The following STAT4 variants were observed in gnomAD, a reference collection of about 807,000 sequenced individuals.
STAT4 encodes the protein signal transducer and activator of transcription 4.
Under a neutral mutation model 110.5 loss-of-function variants are expected in STAT4, and 42 were observed. That is an observed-to-expected ratio of 0.38 (90% confidence interval 0.30 to 0.49). The LOEUF (loss-of-function observed/expected upper bound fraction) is 0.49, where lower values mean the gene tolerates loss of function less well. STAT4 is among the 20% of genes least tolerant of loss of function. STAT4 has a pLI of 0.95. For synonymous variants in STAT4, 284 were observed against 302.2 expected (o/e 0.94, Z 0.63); for missense variants, 632 against 887.9 (o/e 0.71, Z 3.66).
Position 191,110,784 on chromosome 2 carries a change from T to C in STAT4, c.274-34459A>G, listed in dbSNP as rs903198816. On this transcript the variant is annotated intron_variant, in intron 3 of 23. Coordinates refer to ENST00000392320, the MANE Select transcript of STAT4 (RefSeq NM_003151.4). The surrounding 1 kb of genome is among the most constrained non-coding windows in gnomAD (Gnocchi z 4.5). ...TATATTTTATTTTTAAATTTTTGTTTGTTTGTTTGTTTGTTTTGAGATCAA... is the reference window on the plus strand; with the variant it reads ...TATATTTTATTTTTAAATTTTTGTTCGTTTGTTTGTTTGTTTTGAGATCAA... 1.3e-5 allele frequency among the ~76,000 whole-genome samples: 2 copies of C among 152,154 alleles called. No individual in the cohort carries two copies. The highest frequency in any genetic ancestry group is 2.9e-5 in the Non-Finnish European group (2 of 68,028).
intron 6 of STAT4, among the ~76,000 whole-genome samples, chr2:191,067,276 G>A (rs192967707): frequency 2.0e-4 from 30 of 152,128 alleles, no homozygotes; most frequent in Admixed American, 1.9e-3. Context: ...TGGAACTAAA[G>A]CAGCAGCCTC....
rs542606123 is a variant in STAT4 at position 191,099,687 on chromosome 2, A to G, written c.274-23362T>C. Reference sequence around the variant, plus strand: ...ATCTTTTCCATTTTTTTCCATTTTTATTTAATTAGGTAAACATAGATACAC... The same window carrying G: ...ATCTTTTCCATTTTTTTCCATTTTTGTTTAATTAGGTAAACATAGATACAC... On this transcript the variant is annotated intron_variant, in intron 3 of 23. Transcript: ENST00000392320. This position sits in a 1 kb window ranked among gnomAD's most constrained non-coding sequence, Gnocchi z 4.1. 2.0e-5 allele frequency among the ~76,000 whole-genome samples: 3 copies of G among 152,218 alleles called. No homozygotes were observed. In the East Asian group the frequency reaches 5.8e-4, roughly 29 times the overall value.
intron 2 of STAT4, 48 bp downstream of exon 2, chr2:191,148,028 A>G: frequency 6.2e-7 from 1 of 1,611,634 alleles, no homozygotes; most frequent in Non-Finnish European, 8.5e-7. Context: ...TGGATAGAGC[A>G]TCAGACATTT....
chr2:191,080,972 C>T (rs1697452215), intron 3 of STAT4, among the ~76,000 whole-genome samples: 1 of 152,114 alleles, frequency 6.6e-6, no homozygotes, highest in Non-Finnish European at 1.5e-5. Context: ...GGTATTTCTC[C>T]TAATGCTATC....
chr2:191,131,536 G>A (rs1551442), intron 3 of STAT4: 160,602 of 249,762 alleles, frequency 0.64, 52,687 homozygotes, highest in South Asian at 0.78. Flanking sequence ...GTTTAGGGAT[G>A]CAAATGTATG....
intron 18 of STAT4, 31 bp downstream of exon 18, chr2:191,034,517 A>T (rs776369911): frequency 3.2e-6 from 5 of 1,569,298 alleles, no homozygotes; most frequent in Admixed American, 3.3e-5. Context: ...AAAAAAATGT[A>T]TCTAAATGAT....
chr2:191,058,039 G>A lies in STAT4; in HGVS notation c.1185C>T (p.Leu395=), dbSNP rs1260033216. The part of the protein sequence containing the change: ...MSIEESSNGS[L]SVEFRHLQPK... ...TTACCAAATGTCGAAATTCTACTGA[G>A]AGACTCCCATTGGAAGATTCTTCAA... The change falls in exon 13 of 24, where the codon CTC becomes CTT. Residue 395 remains leucine, a synonymous_variant. Transcript: ENST00000392320. The surrounding 1 kb of genome is among the most constrained non-coding windows in gnomAD (Gnocchi z 4.3). The A allele has an allele frequency of 6.2e-7, 1 of 1,614,004 alleles. No homozygotes were observed. The highest frequency in any genetic ancestry group is 2.2e-5 in the East Asian group (1 of 44,838).
intron 3 of STAT4, among the ~76,000 whole-genome samples, chr2:191,109,959 C>T (rs1225791021): frequency 6.6e-6 from 1 of 152,074 alleles, no homozygotes; most frequent in East Asian, 1.9e-4. Flanking sequence ...CTAAACAGTC[C>T]CTTAAGGCTG....
In STAT4 at chr2:191,083,589, G is replaced by T. The variant is rs1027113878; in HGVS notation, c.274-7264C>A. ...CAAATGTAGATATTTATTCTTTGTG[G>T]TATCTCTGGGATATGAAGCATTTGT... On this transcript the variant is annotated intron_variant, in intron 3 of 23. Transcript: ENST00000392320. The surrounding 1 kb of genome is among the most constrained non-coding windows in gnomAD (Gnocchi z 4.6). Among the ~76,000 whole-genome samples, 1 of 152,068 alleles carries T rather than the reference G, an allele frequency of 6.6e-6. No individual in the cohort carries two copies. The highest frequency in any genetic ancestry group is 2.4e-5 in the African/African-American group (1 of 41,418).
chr2:191,103,141 T>C (rs952397431), intron 3 of STAT4, among the ~76,000 whole-genome samples: 2 of 152,204 alleles, frequency 1.3e-5, no homozygotes, highest in African/African-American at 4.8e-5. Context: ...TGGAAATCCT[T>C]CATAAGATGG....
rs1195048266 is a variant in STAT4 at position 191,042,554 on chromosome 2, AATT to A, written c.1252-1409_1252-1407del. ...TTTTATTAAGGAAGCATTTTAAAAA[AATT>A]ATTATTTTGGTTTTTGTGATAAGTG... On this transcript the variant is annotated intron_variant, in intron 14 of 23. Transcript: ENST00000392320. This position sits in a 1 kb window ranked among gnomAD's most constrained non-coding sequence, Gnocchi z 4.2. 6.6e-6 allele frequency among the ~76,000 whole-genome samples: 1 copy of A among 152,158 alleles called. No homozygotes were observed. The highest frequency in any genetic ancestry group is 1.5e-5 in the Non-Finnish European group (1 of 68,036).
chr2:191,094,929 A>AAAG (rs1256188761), intron 3 of STAT4, among the ~76,000 whole-genome samples: 1 of 150,944 alleles, frequency 6.6e-6, no homozygotes, highest in Non-Finnish European at 1.5e-5. Flanking sequence ...AAAAAAAAAA[A>AAAG]AAAAAAAAAG....
chr2:191,074,574 C>T (rs540673908), intron 4 of STAT4, among the ~76,000 whole-genome samples: 1 of 152,194 alleles, frequency 6.6e-6, no homozygotes, highest in African/African-American at 2.4e-5. Flanking sequence ...AGAACACGCT[C>T]TCTCACACAC....
At chr2:191,093,434 C>T (rs1697864474) in intron 3 of STAT4, among the ~76,000 whole-genome samples, 1 of 151,990 alleles carries the variant, frequency 6.6e-6, no homozygotes, top group East Asian at 1.9e-4. Context: ...ACTGGTGATA[C>T]CCAGGCAAAC....
intron 3 of STAT4, among the ~76,000 whole-genome samples, chr2:191,111,149 T>A (rs781710844): frequency 5.3e-5 from 8 of 152,184 alleles, no homozygotes; most frequent in Non-Finnish European, 8.8e-5. Flanking sequence ...AAAATATAGA[T>A]TTTATATGCA....
chr2:191,042,771 T>A lies in STAT4; in HGVS notation c.1252-1623A>T, dbSNP rs1463084579. 6.9e-6 allele frequency among the ~76,000 whole-genome samples: 1 copy of A among 144,514 alleles called. No homozygotes were observed. The highest frequency in any genetic ancestry group is 1.5e-5 in the Non-Finnish European group (1 of 66,834). The allele number at this position is 144,514 out of a possible 152,430, so 94.8% of individuals were successfully genotyped here. A position where few individuals can be genotyped will look rare whatever the true frequency, so the allele number is the denominator to read the frequency against. On this transcript the variant is annotated intron_variant, in intron 14 of 23. Transcript: ENST00000392320. The surrounding 1 kb of genome is among the most constrained non-coding windows in gnomAD (Gnocchi z 4.2). ...GTGATGCTTAAATTCATTCATTGTA[T>A]TCTCTCTTTTTTTTTTTTCTTTTTT... is the stretch of plus-strand genomic sequence containing the variant.
intron 3 of STAT4, among the ~76,000 whole-genome samples, chr2:191,139,489 C>T (rs1699265370): frequency 1.3e-5 from 2 of 152,102 alleles, no homozygotes; most frequent in Admixed American, 6.6e-5. Context: ...TAACTCAATC[C>T]CTTTTACAAT....
intron 3 of STAT4, among the ~76,000 whole-genome samples, chr2:191,136,273 A>G (rs1319299890): frequency 6.6e-6 from 1 of 152,246 alleles, no homozygotes; most frequent in Non-Finnish European, 1.5e-5. Flanking sequence ...ACAAACCTAC[A>G]GCTAACATCA....
intron 3 of STAT4, among the ~76,000 whole-genome samples, chr2:191,119,098 A>T (rs950519450): frequency 2.6e-5 from 4 of 152,152 alleles, no homozygotes; most frequent in African/African-American, 4.8e-5. Context: ...CAGAGTTAAG[A>T]CCTATGGTTC....
Sources: allele counts gnomAD v4.1 joint callset (sites outside exome capture counted in the v4.1 genomes callset), GRCh38; gene constraint gnomAD v4.1.1; non-coding constraint Gnocchi (gnomAD v3.1); transcripts MANE v1.5; gene names NCBI Gene and HGNC (gene_info 2026-07-23, HGNC 2026-07-21).